CDH8: variants seen among roughly 807,000 people sequenced by gnomAD.
CDH8 encodes cadherin 8.
CDH8 carries 17 observed loss-of-function variants against 68.1 expected under a neutral mutation model. The ratio of observed to expected loss-of-function variants is 0.25; its 90% CI spans 0.17 to 0.37. The LOEUF (loss-of-function observed/expected upper bound fraction) is 0.37. CDH8 is among the 10% of genes least tolerant of loss of function. The probability of loss-of-function intolerance (pLI) is 1.00; values close to 1 mark genes in which losing one functional copy is unlikely to be tolerated. For missense variants in CDH8, 763 were observed against 999.3 expected (o/e 0.76, Z 3.19); for synonymous variants, 372 against 365.1 (o/e 1.02, Z -0.21).
In CDH8 at chr16:61,907,609, G is replaced by A. The variant is rs1046661187; in HGVS notation, c.253-6136C>T. 4.6e-5 allele frequency among the ~76,000 whole-genome samples: 7 copies of A among 151,750 alleles called. No homozygotes were observed. The East Asian group carries it at 1.4e-3, about 30-fold the overall frequency. Reference sequence around the variant, plus strand: ...GTGGGAAGATCACGTGAGCCTGGGTGTCAAGGCTGCAGTAAGCCATGATTG... The same window carrying A: ...GTGGGAAGATCACGTGAGCCTGGGTATCAAGGCTGCAGTAAGCCATGATTG... On this transcript the variant is annotated intron_variant, in intron 2 of 11. Coordinates refer to ENST00000577390, the MANE Select transcript of CDH8 (RefSeq NM_001796.5).
intron 4 of CDH8, among the ~76,000 whole-genome samples, chr16:61,828,268 T>C (rs919345819): frequency 6.6e-6 from 1 of 151,910 alleles, no homozygotes; most frequent in East Asian, 1.9e-4. Context: ...GAGGAATGAA[T>C]AATCCACCCA....
intron 10 of CDH8, among the ~76,000 whole-genome samples, chr16:61,708,083 G>A (rs534661506): frequency 5.3e-5 from 8 of 152,178 alleles, no homozygotes; most frequent in African/African-American, 1.7e-4. Context: ...TTCTACGCAC[G>A]AAGGCATCTT....
intron 2 of CDH8, among the ~76,000 whole-genome samples, chr16:62,012,920 A>G (rs1901847743): frequency 6.6e-6 from 1 of 152,094 alleles, no homozygotes; most frequent in Admixed American, 6.5e-5. Flanking sequence ...ACATCAAAAC[A>G]GTGAATAGTG....
chr16:61,868,103 C>A (rs1963290128), intron 3 of CDH8, among the ~76,000 whole-genome samples: 1 of 152,086 alleles, frequency 6.6e-6, no homozygotes, highest in African/African-American at 2.4e-5. Flanking sequence ...TTGCAACAAG[C>A]CTCTGAGTCT....
chr16:61,683,246 A>G (rs1040370210), intron 10 of CDH8, among the ~76,000 whole-genome samples: 1 of 152,014 alleles, frequency 6.6e-6, no homozygotes. Context: ...TTAACTGAAA[A>G]ATAAAATGAT....
chr16:61,914,343 T>C (rs1964204316), intron 2 of CDH8, among the ~76,000 whole-genome samples: 1 of 152,206 alleles, frequency 6.6e-6, no homozygotes, highest in East Asian at 1.9e-4. Context: ...TGCAAAATGA[T>C]GGCTGCAGTT....
At chr16:61,688,903 CT>C (rs1376534314) in intron 10 of CDH8, among the ~76,000 whole-genome samples, 4 of 151,956 alleles carry the variant, frequency 2.6e-5, no homozygotes, top group African/African-American at 9.7e-5. Flanking sequence ...AACCAAAGCA[CT>C]GTGAGAAGGT....
chr16:61,661,263 C>A (rs1405289068), intron 10 of CDH8, among the ~76,000 whole-genome samples: 1 of 151,910 alleles, frequency 6.6e-6, no homozygotes, highest in African/African-American at 2.4e-5. Flanking sequence ...ATACCTAACA[C>A]TGTGGAACAC....
At chr16:61,895,430 T>C (rs1963854495) in intron 3 of CDH8, among the ~76,000 whole-genome samples, 1 of 152,122 alleles carries the variant, frequency 6.6e-6, no homozygotes, top group African/African-American at 2.4e-5. Flanking sequence ...CTAATATCGG[T>C]ACTAACATAA....
In CDH8 at chr16:61,655,302, C is replaced by T. The variant is rs144472330; in HGVS notation, c.1906+168G>A. ...TCATTTGGACATTTACTATCACAAC[C>T]CTTTTTCTCTTCACTTATTAGAGAT... On this transcript the variant is annotated intron_variant, in intron 11 of 11. Transcript: ENST00000577390. Among the ~76,000 whole-genome samples the T allele has an allele frequency of 4.2e-3, 639 of 152,308 alleles. 3 individuals are homozygous for T. Among genetic ancestry groups the T allele is most frequent in the African/African-American group, 0.013 (558 of 41,572 alleles).
At position 61,739,900 on chromosome 16, in the gene CDH8, TATATATATATATGTA is replaced by T. The variant is rs942031172; in HGVS notation, c.1415-12700_1415-12686del. Among the ~76,000 whole-genome samples, 33 of 91,138 alleles carry T rather than the reference TATATATATATATGTA, an allele frequency of 3.6e-4. 1 individual carries two copies. In the South Asian group the frequency reaches 0.011, roughly 29 times the overall value. 59.8% of individuals were successfully genotyped at this position (91,138 alleles called of 152,430 possible). On this transcript the variant is annotated intron_variant, in intron 8 of 11. Coordinates refer to ENST00000577390, the MANE Select transcript of CDH8 (RefSeq NM_001796.5). Reference sequence around the variant, plus strand: ...AACATATTCCATATATATATATATATATATATATATATGTATTTTTTTTTTTGAGACAAAGTCTTG... The same window carrying T: ...AACATATTCCATATATATATATATATTTTTTTTTTTTGAGACAAAGTCTTG...
intron 2 of CDH8, among the ~76,000 whole-genome samples, chr16:61,916,581 C>T (rs571805756): frequency 6.6e-6 from 1 of 151,994 alleles, no homozygotes; most frequent in African/African-American, 2.4e-5. Flanking sequence ...CTGGTGAACT[C>T]AGGTCACTAT....
At chr16:62,029,746 A>C (rs944329589) in intron 1 of CDH8, among the ~76,000 whole-genome samples, 1 of 152,218 alleles carries the variant, frequency 6.6e-6, no homozygotes, top group African/African-American at 2.4e-5. Flanking sequence ...TGAGGACAGC[A>C]CAAGTGGAAA....
At chr16:61,726,595 G>C (rs561033566) in intron 9 of CDH8, 2 of 156,036 alleles carry the variant, frequency 1.3e-5, no homozygotes, top group East Asian at 3.8e-4. Flanking sequence ...TGTAAAACGT[G>C]TTGTTCATCT....
intron 2 of CDH8, among the ~76,000 whole-genome samples, chr16:61,941,774 C>T (rs572586345): frequency 6.2e-4 from 94 of 152,252 alleles, no homozygotes; most frequent in Non-Finnish European, 1.8e-4. Flanking sequence ...TTGCTTTTTC[C>T]TGATTGCATT....
intron 8 of CDH8, among the ~76,000 whole-genome samples, chr16:61,768,516 A>G (rs1960695926): frequency 6.6e-6 from 1 of 151,246 alleles, no homozygotes; most frequent in African/African-American, 2.4e-5. Context: ...AGGGTAATAC[A>G]AAGGAGTTAT....
chr16:61,803,686 G>C (rs1442817695), intron 7 of CDH8, among the ~76,000 whole-genome samples: 2 of 150,520 alleles, frequency 1.3e-5, no homozygotes, highest in Non-Finnish European at 3.0e-5. Context: ...TGATAAAACA[G>C]ACTTTAAACC....
chr16:61,781,012 T>A (rs1716786467), intron 8 of CDH8, among the ~76,000 whole-genome samples: 1 of 152,224 alleles, frequency 6.6e-6, no homozygotes, highest in Non-Finnish European at 1.5e-5. Context: ...GTCTAATATT[T>A]CTTAAGATGT....
chr16:62,022,803 C>T (rs1902104870), intron 1 of CDH8, among the ~76,000 whole-genome samples: 1 of 152,134 alleles, frequency 6.6e-6, no homozygotes. Context: ...AAGGGGCAGA[C>T]CCAGATTGTA....
Sources: gnomAD v4.1 joint callset for allele counts (sites outside exome capture counted in the v4.1 genomes callset) on GRCh38, gnomAD v4.1.1 for gene constraint, MANE v1.5 for transcripts, NCBI Gene and HGNC (gene_info 2026-07-23, HGNC 2026-07-21) for gene names.